Variants in PKIA observed in about 807,000 individuals in gnomAD.
PKIA encodes the protein PKI-alpha.
In PKIA, 4 loss-of-function variants were observed where a neutral mutation model predicts 7.6. The ratio of observed to expected loss-of-function variants is 0.52; its 90% CI spans 0.26 to 1.20. The LOEUF (loss-of-function observed/expected upper bound fraction) is 1.20. Among genes scored for constraint, PKIA ranks in the 50% most tolerant of loss-of-function variants. PKIA has a pLI of 0.13. For missense variants in PKIA, 73 were observed against 86.2 expected (o/e 0.85, Z 0.61); for synonymous variants, 21 against 30.7 (o/e 0.68, Z 1.04).
rs1808307767 is a variant in PKIA, at chr8:78,599,611, T to C, written c.151+1076T>C. Among the ~76,000 whole-genome samples the C allele has an allele frequency of 2.0e-5, 3 of 152,188 alleles. No individual in the cohort carries two copies. In the South Asian group the frequency reaches 6.2e-4, roughly 32 times the overall value. On this transcript the variant is annotated intron_variant, in intron 3 of 3. Coordinates refer to ENST00000396418, the MANE Select transcript of PKIA (RefSeq NM_006823.4). ...ATCACCACTTTGGAATATGTAGACC[T>C]GTATAAATCTTAGGTTTCATTGTTG... is the stretch of plus-strand genomic sequence containing the variant.
chr8:78,532,933 A>T (rs1480990510), intron 1 of PKIA, among the ~76,000 whole-genome samples: 3 of 151,976 alleles, frequency 2.0e-5, no homozygotes, highest in Non-Finnish European at 2.9e-5. Flanking sequence ...AATAAAAATA[A>T]AAAAAATACA....
At chr8:78,598,110 ATAT>A (rs995682103) in intron 2 of PKIA, among the ~76,000 whole-genome samples, 15 of 148,144 alleles carry the variant, frequency 1.0e-4, no homozygotes, top group Non-Finnish European at 2.2e-4. Context: ...ATTACATTTA[ATAT>A]TAATATATTA....
At chr8:78,563,016 A>T (rs979802127) in intron 1 of PKIA, among the ~76,000 whole-genome samples, 1 of 152,188 alleles carries the variant, frequency 6.6e-6, no homozygotes, top group South Asian at 2.1e-4. Context: ...TCAATCATAC[A>T]TCGTTACTAA....
intron 2 of PKIA, among the ~76,000 whole-genome samples, chr8:78,594,879 C>A (rs1339763810): frequency 6.6e-6 from 1 of 152,176 alleles, no homozygotes; most frequent in African/African-American, 2.4e-5. Flanking sequence ...TGTCCCGTAT[C>A]TTCTCAGAGG....
At chr8:78,590,612 G>C (rs989969947) in intron 2 of PKIA, among the ~76,000 whole-genome samples, 5 of 151,372 alleles carry the variant, frequency 3.3e-5, no homozygotes, top group African/African-American at 1.2e-4. Context: ...AAGCCAGAGA[G>C]TTGCAAATGT....
chr8:78,581,934 C>T (rs759504826), intron 2 of PKIA, among the ~76,000 whole-genome samples: 10 of 152,050 alleles, frequency 6.6e-5, no homozygotes, highest in Non-Finnish European at 1.0e-4. Flanking sequence ...TGACAGCTTA[C>T]TCTCAAATGG....
chr8:78,602,088 C>A lies in PKIA; in HGVS notation c.*267C>A. On this transcript the variant is annotated 3_prime_UTR_variant, in exon 4 of 4. Coordinates refer to ENST00000396418, the MANE Select transcript of PKIA (RefSeq NM_006823.4). ...TGGATCCTTTCACTTGATCATATGA[C>A]GAAATGCTTATAGAGAGTAGCTCCG... The A allele has an allele frequency of 2.2e-6, 1 of 452,656 alleles. No homozygotes were observed. 28.0% of individuals were successfully genotyped at this position (452,656 alleles called of 1,614,324 possible).
intron 1 of PKIA, chr8:78,534,039 C>T (rs1014870458): frequency 6.6e-6 from 1 of 152,088 alleles, no homozygotes; most frequent in African/African-American, 2.4e-5. Flanking sequence ...TCAAACCAAG[C>T]CACAAACTCA....
At chr8:78,579,563 C>G (rs913291511) in intron 2 of PKIA, among the ~76,000 whole-genome samples, 1 of 152,036 alleles carries the variant, frequency 6.6e-6, no homozygotes, top group Admixed American at 6.6e-5. Context: ...AAGATAGTTG[C>G]ATTTTCATTT....
At chr8:78,525,160 A>G (rs921554664) in intron 1 of PKIA, among the ~76,000 whole-genome samples, 2 of 151,660 alleles carry the variant, frequency 1.3e-5, no homozygotes, top group African/African-American at 4.8e-5. Flanking sequence ...ACCATGCACC[A>G]TCTGTTTACC....
chr8:78,600,867 A>T (rs1808335375), intron 3 of PKIA, among the ~76,000 whole-genome samples: 1 of 152,056 alleles, frequency 6.6e-6, no homozygotes, highest in Non-Finnish European at 1.5e-5. Context: ...AGGCCATCCA[A>T]CTTACCTGCT....
intron 2 of PKIA, among the ~76,000 whole-genome samples, chr8:78,578,694 C>T (rs1211580229): frequency 6.6e-6 from 1 of 151,982 alleles, no homozygotes; most frequent in Non-Finnish European, 1.5e-5. Context: ...TTCTTCCTTT[C>T]TCACTTCACA....
chr8:78,562,886 AG>A (rs1387208238), intron 1 of PKIA, among the ~76,000 whole-genome samples: 12 of 152,078 alleles, frequency 7.9e-5, no homozygotes, highest in Non-Finnish European at 1.6e-4. Context: ...TCAGGAAATG[AG>A]TGTTGAATTA....
intron 2 of PKIA, among the ~76,000 whole-genome samples, chr8:78,575,467 C>A (rs556993733): frequency 6.6e-6 from 1 of 151,692 alleles, no homozygotes; most frequent in African/African-American, 2.4e-5. Flanking sequence ...AGTGTTTATT[C>A]ATTGTTATCA....
At chr8:78,560,340 C>G (rs903288129) in intron 1 of PKIA, among the ~76,000 whole-genome samples, 4 of 152,132 alleles carry the variant, frequency 2.6e-5, no homozygotes, top group African/African-American at 9.7e-5. Flanking sequence ...TAACTCTAAG[C>G]TTTTTCCCCA....
intron 1 of PKIA, among the ~76,000 whole-genome samples, chr8:78,538,673 G>A (rs1563571165): frequency 6.6e-6 from 1 of 151,856 alleles, no homozygotes; most frequent in Non-Finnish European, 1.5e-5. Context: ...TGTGCGCTGA[G>A]GTAATATATT....
chr8:78,567,745 A>C (rs1807452851), intron 1 of PKIA, among the ~76,000 whole-genome samples: 1 of 152,188 alleles, frequency 6.6e-6, no homozygotes, highest in African/African-American at 2.4e-5. Context: ...CTGGAGACTT[A>C]TCTATCCCCC....
At chr8:78,577,896 T>C (rs1807713498) in intron 2 of PKIA, among the ~76,000 whole-genome samples, 1 of 151,994 alleles carries the variant, frequency 6.6e-6, no homozygotes, top group Non-Finnish European at 1.5e-5. Flanking sequence ...TTGTTTTCTC[T>C]CCTAAAATCT....
intron 2 of PKIA, among the ~76,000 whole-genome samples, 186 bp from the exon 3 acceptor site, chr8:78,598,172 T>C (rs1004279879): frequency 1.3e-5 from 2 of 150,310 alleles, no homozygotes; most frequent in African/African-American, 2.4e-5. Flanking sequence ...AAAATGTACA[T>C]ATTTAAATAT....
Sources: allele counts gnomAD v4.1 joint callset (sites outside exome capture counted in the v4.1 genomes callset), GRCh38; gene constraint gnomAD v4.1.1; transcripts MANE v1.5; gene names NCBI Gene and HGNC (gene_info 2026-07-23, HGNC 2026-07-21).